Variants in PRKD1 observed in about 807,000 individuals in gnomAD.
PRKD1 encodes protein kinase D1.
In PRKD1, 63 loss-of-function variants were observed where a neutral mutation model predicts 95.9. The observed-to-expected ratio is 0.66, with a 90% CI of 0.54 to 0.81. The LOEUF (loss-of-function observed/expected upper bound fraction) is 0.81, where lower values mean the gene tolerates loss of function less well. Ranked by LOEUF, PRKD1 falls within the 30% of genes least tolerant of loss-of-function variation. PRKD1 has a pLI of 0.00. For missense variants in PRKD1, 1,048 were observed against 1,165.3 expected (o/e 0.90, Z 1.47); for synonymous variants, 425 against 423.1 (o/e 1.00, Z -0.05).
chr14:29,617,252 A>T (rs1594365288), intron 13 of PRKD1, among the ~76,000 whole-genome samples: 1 of 152,154 alleles, frequency 6.6e-6, no homozygotes, highest in Non-Finnish European at 1.5e-5. Flanking sequence ...GTTGTGAGTT[A>T]CCTCTAGGCT....
chr14:29,689,831 A>G (rs1189686538), intron 2 of PRKD1, among the ~76,000 whole-genome samples: 1 of 152,188 alleles, frequency 6.6e-6, no homozygotes, highest in Non-Finnish European at 1.5e-5. Context: ...AGGGATGTGG[A>G]TGGAGCTGGA....
intron 1 of PRKD1, among the ~76,000 whole-genome samples, chr14:29,731,879 T>A (rs1200998827): frequency 4.6e-5 from 7 of 151,646 alleles, no homozygotes; most frequent in East Asian, 1.9e-4. Flanking sequence ...TTTTTTTTTT[T>A]TTTTTTTTTT....
At chr14:29,593,290 A>G (rs1208830146) in intron 16 of PRKD1, among the ~76,000 whole-genome samples, 1 of 152,126 alleles carries the variant, frequency 6.6e-6, no homozygotes, top group Non-Finnish European at 1.5e-5. Flanking sequence ...AGTTTTCTTC[A>G]AATTTTCTCT....
At chr14:29,739,424 G>T (rs1959440) in intron 1 of PRKD1, among the ~76,000 whole-genome samples, 75,448 of 151,790 alleles carry the variant, frequency 0.5, 19,886 homozygotes, top group African/African-American at 0.67. Context: ...TTTAAAAAAC[G>T]GTTTTCCTTC....
At chr14:29,603,767 T>C (rs562710174) in intron 13 of PRKD1, among the ~76,000 whole-genome samples, 1 of 152,344 alleles carries the variant, frequency 6.6e-6, no homozygotes, top group Admixed American at 6.5e-5. Context: ...AAAAGAGTTT[T>C]GCCCAACTTC....
At chr14:29,614,133 C>T (rs1878682314) in intron 13 of PRKD1, among the ~76,000 whole-genome samples, 1 of 152,100 alleles carries the variant, frequency 6.6e-6, no homozygotes. Flanking sequence ...TCATACATTC[C>T]AAATATTACT....
intron 1 of PRKD1, among the ~76,000 whole-genome samples, chr14:29,847,412 A>T (rs948820732): frequency 3.3e-5 from 5 of 152,230 alleles, no homozygotes; most frequent in African/African-American, 1.2e-4. Context: ...AGCAACCTCC[A>T]ATAGTGAGAA....
Position 29,927,604 on chromosome 14 carries a change from T to C in PRKD1, c.-92A>G. ...TGCAGCCGCTGAGCCAGGAGCTTCT[T>C]TCTCCGAGAGCCCAGACGGAAAATA... On this transcript the variant is annotated 5_prime_UTR_variant, in exon 1 of 18. Coordinates refer to ENST00000331968, the MANE Select transcript of PRKD1 (RefSeq NM_002742.3). 1 of 996,714 alleles carries C rather than the reference T, an allele frequency of 1.0e-6. No homozygotes were observed. The highest frequency in any genetic ancestry group is 1.2e-6 in the Non-Finnish European group (1 of 815,596). 61.7% of individuals were successfully genotyped at this position (996,714 alleles called of 1,614,324 possible). A position where few individuals can be genotyped will look rare whatever the true frequency, so the allele number is the denominator to read the frequency against.
intron 1 of PRKD1, among the ~76,000 whole-genome samples, chr14:29,886,120 G>A (rs532921079): frequency 1.1e-4 from 17 of 152,262 alleles, no homozygotes; most frequent in African/African-American, 4.1e-4. Context: ...CTTTAGAACA[G>A]GCATTAAATG....
chr14:29,857,811 G>C (rs1346735849), intron 1 of PRKD1, among the ~76,000 whole-genome samples: 1 of 152,166 alleles, frequency 6.6e-6, no homozygotes, highest in East Asian at 1.9e-4. Flanking sequence ...ATAGAAGAAT[G>C]TGAAACCAAA....
In PRKD1 at chr14:29,597,477, A is replaced by T. The variant is rs1893350089; in HGVS notation, c.2434+14T>A. 1.3e-6 allele frequency: 2 copies of T among 1,560,288 alleles called. No homozygotes were observed. The highest frequency in any genetic ancestry group is 1.7e-6 in the Non-Finnish European group (2 of 1,144,620). On this transcript the variant is annotated intron_variant, in intron 16 of 17. Transcript: ENST00000331968. ...AGGATTAGATTATTATCATTTTTGA[A>T]TGGAAGATATTACCTTCATGAGATA...
chr14:29,609,506 G>GCACACACACACA (rs150570301), intron 13 of PRKD1, among the ~76,000 whole-genome samples: 1,397 of 127,406 alleles, frequency 0.011, 10 homozygotes, highest in Non-Finnish European at 0.015. Context: ...GTGTGTGCGT[G>GCACACACACACA]CACACACACA....
At chr14:29,587,050 G>C (rs116422960) in intron 16 of PRKD1, among the ~76,000 whole-genome samples, 1,847 of 152,276 alleles carry the variant, frequency 0.012, 30 homozygotes, top group African/African-American at 0.041. Flanking sequence ...AGAAAAAACT[G>C]ACTTGTGCAG....
Position 29,840,451 on chromosome 14 carries a change from T to C in PRKD1, c.264+86798A>G, listed in dbSNP as rs150983076. On this transcript the variant is annotated intron_variant, in intron 1 of 17. Transcript: ENST00000331968. ...TTCCAAACTTTCCCACATTTCTCTG[T>C]CTTCTTCTGAGCCCTCCAAACTGTT... Among the ~76,000 whole-genome samples, 1,247 of 152,310 alleles carry C rather than the reference T, an allele frequency of 8.2e-3. 7 individuals carry two copies. The highest frequency in any genetic ancestry group is 0.015 in the Admixed American group (223 of 15,300).
At chr14:29,864,333 T>C (rs544098355) in intron 1 of PRKD1, among the ~76,000 whole-genome samples, 12 of 152,084 alleles carry the variant, frequency 7.9e-5, no homozygotes, top group South Asian at 4.2e-4. Flanking sequence ...GTTTCCTGAA[T>C]CATGGAATCT....
intron 1 of PRKD1, among the ~76,000 whole-genome samples, chr14:29,866,199 G>A (rs1232753778): frequency 3.3e-5 from 5 of 150,240 alleles, no homozygotes; most frequent in African/African-American, 9.8e-5. Flanking sequence ...AAAAAAAAAA[G>A]GTTTAACCTT....
At chr14:29,759,687 G>T (rs1887883557) in intron 1 of PRKD1, among the ~76,000 whole-genome samples, 1 of 152,154 alleles carries the variant, frequency 6.6e-6, no homozygotes, top group Non-Finnish European at 1.5e-5. Context: ...AAATATGAGA[G>T]CTCACCAAGC....
intron 2 of PRKD1, among the ~76,000 whole-genome samples, chr14:29,670,738 A>AT (rs1566528113): frequency 6.6e-6 from 1 of 151,922 alleles, no homozygotes; most frequent in African/African-American, 2.4e-5. Flanking sequence ...AAGGTTGGTC[A>AT]TTTTTTCCTG....
intron 1 of PRKD1, among the ~76,000 whole-genome samples, chr14:29,733,938 T>C (rs1326359498): frequency 3.3e-5 from 5 of 152,046 alleles, no homozygotes; most frequent in African/African-American, 1.2e-4. Context: ...AAATCCTTGA[T>C]TTATTTTTCC....
Sources: gnomAD v4.1 joint callset for allele counts (sites outside exome capture counted in the v4.1 genomes callset) on GRCh38, gnomAD v4.1.1 for gene constraint, MANE v1.5 for transcripts, NCBI Gene and HGNC (gene_info 2026-07-23, HGNC 2026-07-21) for gene names.